Variants in ELOVL4 observed in about 807,000 individuals in gnomAD.
The protein encoded by ELOVL4 is very long chain fatty acid elongase 4.
A neutral mutation model predicts 42.1 loss-of-function variants in ELOVL4; 18 were observed. That is an observed-to-expected ratio of 0.43 (90% CI 0.30 to 0.63). The LOEUF is 0.63. Ranked by LOEUF, ELOVL4 falls within the 30% of genes least tolerant of loss-of-function variation. The probability of loss-of-function intolerance (pLI) is 0.15; values close to 1 mark genes in which losing one functional copy is unlikely to be tolerated. For synonymous variants in ELOVL4, 117 were observed against 127.0 expected, an observed-to-expected ratio of 0.92 and a Z score of 0.53; for missense variants, 299 against 376.2, an observed-to-expected ratio of 0.79 and a Z score of 1.70.
At chr6:79,932,457 A>C (rs1172500309) in intron 1 of ELOVL4, among the ~76,000 whole-genome samples, 2 of 151,848 alleles carry the variant, frequency 1.3e-5, no homozygotes, top group Non-Finnish European at 2.9e-5. Flanking sequence ...AGGCAGGAGA[A>C]TTGCTTGAAT....
At chr6:79,941,030 T>C (rs1315629440) in intron 1 of ELOVL4, among the ~76,000 whole-genome samples, 1 of 152,180 alleles carries the variant, frequency 6.6e-6, no homozygotes, top group Non-Finnish European at 1.5e-5. Context: ...AATCTGTTAT[T>C]TGTACTATTT....
intron 5 of ELOVL4, among the ~76,000 whole-genome samples, chr6:79,917,423 C>A (rs2127697699): frequency 6.6e-6 from 1 of 152,264 alleles, no homozygotes; most frequent in Admixed American, 6.5e-5. Flanking sequence ...TGTCAGCAAG[C>A]AGATACACAT....
At chr6:79,920,689 A>G (rs1774237968) in intron 4 of ELOVL4, among the ~76,000 whole-genome samples, 1 of 152,224 alleles carries the variant, frequency 6.6e-6, no homozygotes, top group Non-Finnish European at 1.5e-5. Context: ...GAACATCAGA[A>G]AGCAAAGATG....
chr6:79,940,233 T>A (rs1182450749), intron 1 of ELOVL4, among the ~76,000 whole-genome samples: 1 of 152,216 alleles, frequency 6.6e-6, no homozygotes, highest in Non-Finnish European at 1.5e-5. Flanking sequence ...ATTTCCTCAG[T>A]GGACTAATGC....
chr6:79,947,456 A>C lies in ELOVL4; in HGVS notation c.-177T>G. ...GCCGCGGCGGCGGGGATGCGGCAGA[A>C]GGCAGGGCCAAGCGGAAGGCGTCGT... On this transcript the variant is annotated 5_prime_UTR_variant, in exon 1 of 6. Transcript: ENST00000369816. 1 of 628,848 alleles carries C rather than the reference A, an allele frequency of 1.6e-6. No homozygotes were observed. The highest frequency in any genetic ancestry group is 2.8e-6 in the Non-Finnish European group (1 of 354,520). The allele number at this position is 628,848 out of a possible 1,614,324, so 39.0% of individuals were successfully genotyped here. A position where few individuals can be genotyped will look rare whatever the true frequency, so the allele number is the denominator to read the frequency against.
At chr6:79,928,852 G>T (rs1465057425) in intron 1 of ELOVL4, among the ~76,000 whole-genome samples, 1 of 148,320 alleles carries the variant, frequency 6.7e-6, no homozygotes, top group Non-Finnish European at 1.5e-5. Context: ...TGATCCACCT[G>T]CCTCAGCCTC....
At chr6:79,945,694 G>C (rs879294702) in intron 1 of ELOVL4, among the ~76,000 whole-genome samples, 18 of 152,026 alleles carry the variant, frequency 1.2e-4, no homozygotes, top group Non-Finnish European at 2.2e-4. Flanking sequence ...GGGAAGCCCT[G>C]ATGCAACGTT....
intron 1 of ELOVL4, among the ~76,000 whole-genome samples, chr6:79,944,986 CCA>C (rs1491440718): frequency 1.5e-4 from 9 of 58,222 alleles, no homozygotes; most frequent in East Asian, 1.3e-3. Context: ...GTGAATGAGT[CCA>C]AAAAAAAAAA....
chr6:79,920,352 C>T (rs1344504084), intron 4 of ELOVL4, among the ~76,000 whole-genome samples: 4 of 152,156 alleles, frequency 2.6e-5, no homozygotes, highest in Non-Finnish European at 5.9e-5. Context: ...CTACAGGCAT[C>T]TGAAAAGACA....
chr6:79,939,897 C>A (rs1407944984), intron 1 of ELOVL4, among the ~76,000 whole-genome samples: 3 of 152,146 alleles, frequency 2.0e-5, no homozygotes, highest in Admixed American at 1.3e-4. Context: ...CACTTAGTAA[C>A]AAGGTTCATC....
Position 79,947,468 on chromosome 6 carries a change from G to C in ELOVL4, c.-189C>G. On this transcript the variant is annotated 5_prime_UTR_variant, in exon 1 of 6. Coordinates refer to ENST00000369816, the MANE Select transcript of ELOVL4 (RefSeq NM_022726.4). Reference sequence around the variant, plus strand: ...GGGATGCGGCAGAAGGCAGGGCCAAGCGGAAGGCGTCGTCAAGGTTCCCGG... The same window carrying C: ...GGGATGCGGCAGAAGGCAGGGCCAACCGGAAGGCGTCGTCAAGGTTCCCGG... 1.6e-6 allele frequency: 1 copy of C among 614,810 alleles called. No individual in the cohort carries two copies. Among genetic ancestry groups the C allele is most frequent in the Non-Finnish European group, 2.9e-6 (1 of 346,476 alleles). The allele number at this position is 614,810 out of a possible 1,614,324, so 38.1% of individuals were successfully genotyped here. A position where few individuals can be genotyped will look rare whatever the true frequency, so the allele number is the denominator to read the frequency against.
At chr6:79,924,773 T>C (rs1175582912) in intron 3 of ELOVL4, among the ~76,000 whole-genome samples, 179 bp downstream of exon 3, 2 of 152,158 alleles carry the variant, frequency 1.3e-5, no homozygotes, top group African/African-American at 4.8e-5. Context: ...AGTTTGAGGC[T>C]GCAGTGAGCT....
intron 1 of ELOVL4, among the ~76,000 whole-genome samples, chr6:79,936,957 A>G (rs1774554262): frequency 6.6e-6 from 1 of 152,246 alleles, no homozygotes; most frequent in African/African-American, 2.4e-5. Flanking sequence ...TACTCAAAAA[A>G]GAGGATGGAA....
rs1774767984 is a variant in ELOVL4, at chr6:79,947,337, A to G, written c.-58T>C. 1.1e-5 allele frequency: 16 copies of G among 1,400,440 alleles called. No homozygotes were observed. The highest frequency in any genetic ancestry group is 1.6e-5 in the Non-Finnish European group (16 of 1,005,114). 86.8% of individuals were successfully genotyped at this position (1,400,440 alleles called of 1,614,324 possible). On this transcript the variant is annotated 5_prime_UTR_variant, in exon 1 of 6. Transcript: ENST00000369816. ...AAGCGGAGACCCAGAGAGAGGGCTG[A>G]CCCCGGAGGCGGTGGCGGCCGACGG...
intron 1 of ELOVL4, among the ~76,000 whole-genome samples, chr6:79,942,724 C>A (rs1774668481): frequency 6.6e-6 from 1 of 152,138 alleles, no homozygotes; most frequent in Admixed American, 6.6e-5. Flanking sequence ...GTTTTAGAAC[C>A]TGCATTGTTT....
intron 1 of ELOVL4, among the ~76,000 whole-genome samples, chr6:79,944,987 C>CAAAAAAAAAAA (rs200726708): frequency 1.1e-5 from 1 of 93,004 alleles, no homozygotes; most frequent in African/African-American, 3.5e-5. Context: ...TGAATGAGTC[C>CAAAAAAAAAAA]AAAAAAAAAA....
Position 79,920,411 on chromosome 6 carries a change from A to G in ELOVL4, c.542-864T>C, listed in dbSNP as rs5014743. Reference sequence around the variant, plus strand: ...TGAATTTAGATCCTCTTTAACATTAACAAGGCTATATAAAATTTCCTTTGA... The same window carrying G: ...TGAATTTAGATCCTCTTTAACATTAGCAAGGCTATATAAAATTTCCTTTGA... On this transcript the variant is annotated intron_variant, in intron 4 of 5. Transcript: ENST00000369816. Among the ~76,000 whole-genome samples, 872 of 152,336 alleles carry G rather than the reference A, an allele frequency of 5.7e-3. 8 individuals carry two copies. The highest frequency in any genetic ancestry group is 0.02 in the African/African-American group (821 of 41,588).
chr6:79,927,685 T>C (rs1385326971), intron 1 of ELOVL4, among the ~76,000 whole-genome samples: 4 of 152,308 alleles, frequency 2.6e-5, no homozygotes, highest in African/African-American at 7.2e-5. Flanking sequence ...GGTGAGCTAT[T>C]GCTTGATGAC....
At chr6:79,943,376 C>T (rs1774678724) in intron 1 of ELOVL4, among the ~76,000 whole-genome samples, 1 of 152,148 alleles carries the variant, frequency 6.6e-6, no homozygotes, top group Non-Finnish European at 1.5e-5. Flanking sequence ...TTCAGTCAAG[C>T]TGTTCCCCTT....
Sources: allele counts gnomAD v4.1 joint callset (sites outside exome capture counted in the v4.1 genomes callset), GRCh38; gene constraint gnomAD v4.1.1; transcripts MANE v1.5; gene names NCBI Gene and HGNC (gene_info 2026-07-23, HGNC 2026-07-21).